The following GRIK2 variants were observed in gnomAD, a reference collection of about 807,000 sequenced individuals.
The protein encoded by GRIK2 is glutamate ionotropic receptor kainate type subunit 2.
Under a neutral mutation model 100.3 loss-of-function variants are expected in GRIK2, and 32 were observed. The ratio of observed to expected loss-of-function variants is 0.32; its 90% CI spans 0.24 to 0.43. The LOEUF is 0.43. GRIK2 is among the 20% of genes least tolerant of loss of function. The probability of loss-of-function intolerance (pLI) is 1.00; values close to 1 mark genes in which losing one functional copy is unlikely to be tolerated. For missense variants in GRIK2, 843 were observed against 1,114.9 expected (o/e 0.76, Z 3.47); for synonymous variants, 417 against 389.4 (o/e 1.07, Z -0.83).
At chr6:101,807,507 G>A (rs968295234) in intron 9 of GRIK2, among the ~76,000 whole-genome samples, 3 of 152,010 alleles carry the variant, frequency 2.0e-5, no homozygotes, top group African/African-American at 4.8e-5. Flanking sequence ...AAGGGAGACA[G>A]CCTTCATCAC....
chr6:101,603,910 A>G (rs902650613), intron 2 of GRIK2, among the ~76,000 whole-genome samples: 2 of 151,698 alleles, frequency 1.3e-5, no homozygotes, highest in African/African-American at 4.8e-5. Context: ...AATTATGTGC[A>G]TGCATTTTTT....
chr6:101,723,730 A>G (rs995176485), intron 7 of GRIK2, among the ~76,000 whole-genome samples: 1 of 152,024 alleles, frequency 6.6e-6, no homozygotes, highest in Non-Finnish European at 1.5e-5. Context: ...AATAGCATCT[A>G]TATAATAAAG....
chr6:101,747,114 G>A (rs960329582), intron 7 of GRIK2, among the ~76,000 whole-genome samples: 11 of 152,126 alleles, frequency 7.2e-5, no homozygotes, highest in African/African-American at 2.4e-4. Context: ...TCCCCACCAA[G>A]TTTGGTATCT....
At position 101,789,439 on chromosome 6, in the gene GRIK2, C is replaced by T. The variant is rs918883370; in HGVS notation, c.952-10209C>T. Among the ~76,000 whole-genome samples, 48 of 152,172 alleles carry T rather than the reference C, an allele frequency of 3.2e-4. No individual in the cohort carries two copies. In the South Asian group the frequency reaches 3.7e-3, roughly 12 times the overall value. Reference sequence around the variant, plus strand: ...TTCTACATATGGCTAGCCAATTTTCCCAGCACCATTTATTAAATAGGGAAT... The same window carrying T: ...TTCTACATATGGCTAGCCAATTTTCTCAGCACCATTTATTAAATAGGGAAT... On this transcript the variant is annotated intron_variant, in intron 7 of 16. Coordinates refer to ENST00000369134, the MANE Select transcript of GRIK2 (RefSeq NM_021956.5).
intron 2 of GRIK2, among the ~76,000 whole-genome samples, chr6:101,417,143 C>T (rs771088434): frequency 3.0e-4 from 46 of 152,130 alleles, no homozygotes; most frequent in Non-Finnish European, 6.2e-4. Flanking sequence ...AGAATGTGTG[C>T]AGGGGAACTG....
intron 4 of GRIK2, among the ~76,000 whole-genome samples, chr6:101,674,553 G>T (rs1770686204): frequency 1.3e-5 from 2 of 152,180 alleles, no homozygotes; most frequent in East Asian, 3.9e-4. Context: ...ACTCTAGCAG[G>T]TATTACAAGT....
intron 7 of GRIK2, among the ~76,000 whole-genome samples, chr6:101,728,058 A>G (rs1774997051): frequency 6.6e-6 from 1 of 152,100 alleles, no homozygotes; most frequent in African/African-American, 2.4e-5. Flanking sequence ...AATTGATTTT[A>G]AAATAATTCA....
At chr6:101,561,754 AT>A in intron 2 of GRIK2, among the ~76,000 whole-genome samples, 2 of 152,262 alleles carry the variant, frequency 1.3e-5, no homozygotes, top group South Asian at 4.1e-4. Flanking sequence ...GGTGTTTGGA[AT>A]TTGGGAAGGG....
At chr6:101,952,691 C>T (rs1360361273) in intron 14 of GRIK2, among the ~76,000 whole-genome samples, 2 of 151,976 alleles carry the variant, frequency 1.3e-5, no homozygotes, top group East Asian at 1.9e-4. Context: ...CAAGCTCCGC[C>T]TCCTGGGTTC....
Position 101,970,235 on chromosome 6 carries a change from G to A in GRIK2, c.2085+41603G>A, listed in dbSNP as rs577358787. On this transcript the variant is annotated intron_variant, in intron 14 of 16. Transcript: ENST00000369134. ...TTTTTTTTTCTCTAGGATTTTTGGG[G>A]CAAAAATGTGGCCATCTCAAGCAGC... Among the ~76,000 whole-genome samples, 7 of 151,702 alleles carry A rather than the reference G, an allele frequency of 4.6e-5. No individual in the cohort carries two copies. The East Asian group carries it at 1.4e-3, about 30-fold the overall frequency.
intron 14 of GRIK2, among the ~76,000 whole-genome samples, chr6:102,013,409 C>T (rs1469893988): frequency 6.6e-6 from 1 of 152,010 alleles, no homozygotes; most frequent in Non-Finnish European, 1.5e-5. Flanking sequence ...TCTCTTTCTA[C>T]TTGGGTGTCG....
intron 9 of GRIK2, among the ~76,000 whole-genome samples, chr6:101,806,453 C>T (rs998753465): frequency 2.0e-5 from 3 of 151,936 alleles, no homozygotes; most frequent in Non-Finnish European, 4.4e-5. Flanking sequence ...TAATCCATTC[C>T]CTAAACCACA....
intron 2 of GRIK2, among the ~76,000 whole-genome samples, chr6:101,557,055 A>G (rs1231048783): frequency 1.3e-5 from 2 of 152,244 alleles, no homozygotes; most frequent in Middle Eastern, 6.8e-3. Context: ...TTCATTCTCT[A>G]TATATTTAAC....
intron 13 of GRIK2, among the ~76,000 whole-genome samples, chr6:101,926,130 C>T (rs1789873479): frequency 6.6e-6 from 1 of 150,456 alleles, no homozygotes; most frequent in Non-Finnish European, 1.5e-5. Context: ...TTCTAAATAA[C>T]TCAAATGAAG....
At chr6:102,013,299 G>T (rs1795647206) in intron 14 of GRIK2, among the ~76,000 whole-genome samples, 1 of 152,062 alleles carries the variant, frequency 6.6e-6, no homozygotes, top group Admixed American at 6.6e-5. Flanking sequence ...CTGAAACCTT[G>T]CTGAGGTTGT....
At chr6:102,064,509 A>G (rs1468548947) in intron 16 of GRIK2, among the ~76,000 whole-genome samples, 2 of 137,724 alleles carry the variant, frequency 1.5e-5, no homozygotes, top group Admixed American at 7.4e-5. Context: ...TTCTTTTTTT[A>G]GTATAACCAG....
At chr6:101,891,849 GC>G (rs1787119295) in intron 12 of GRIK2, among the ~76,000 whole-genome samples, 2 of 151,984 alleles carry the variant, frequency 1.3e-5, no homozygotes, top group Admixed American at 1.3e-4. Flanking sequence ...AAATAAAACA[GC>G]CTTCACATTT....
intron 2 of GRIK2, among the ~76,000 whole-genome samples, chr6:101,606,183 G>A (rs1779430644): frequency 6.6e-6 from 1 of 151,944 alleles, no homozygotes; most frequent in Non-Finnish European, 1.5e-5. Flanking sequence ...CTCAAACTGG[G>A]CTGACAGGGG....
chr6:101,860,665 A>C (rs1784683676), intron 11 of GRIK2, among the ~76,000 whole-genome samples: 1 of 152,172 alleles, frequency 6.6e-6, no homozygotes, highest in Non-Finnish European at 1.5e-5. Flanking sequence ...TCACTGGTGA[A>C]GTCTTTCGAA....
Sources: gnomAD v4.1 joint callset for allele counts (sites outside exome capture counted in the v4.1 genomes callset) on GRCh38, gnomAD v4.1.1 for gene constraint, MANE v1.5 for transcripts, NCBI Gene and HGNC (gene_info 2026-07-23, HGNC 2026-07-21) for gene names.